The following BEND7 variants were observed in gnomAD, a reference collection of about 807,000 sequenced individuals.
The protein encoded by BEND7 is BEN domain-containing protein 7.
BEND7 carries 28 observed loss-of-function variants against 50.9 expected under a neutral mutation model. That is an observed-to-expected ratio of 0.55 (90% CI 0.41 to 0.75). The LOEUF is 0.75. Ranked by LOEUF, BEND7 falls within the 30% of genes least tolerant of loss-of-function variation. BEND7 has a pLI of 0.00. For missense variants in BEND7, 477 were observed against 491.3 expected, an observed-to-expected ratio of 0.97 and a Z score of 0.28; for synonymous variants, 170 against 183.9, an observed-to-expected ratio of 0.92 and a Z score of 0.61.
intron 2 of BEND7, among the ~76,000 whole-genome samples, chr10:13,515,823 T>A (rs1027958709): frequency 1.3e-5 from 2 of 152,244 alleles, no homozygotes; most frequent in East Asian, 3.8e-4. Flanking sequence ...GGATGACTGA[T>A]CCCACAACCC....
intron 4 of BEND7, among the ~76,000 whole-genome samples, chr10:13,494,475 G>A (rs756813623): frequency 3.3e-5 from 5 of 152,166 alleles, no homozygotes; most frequent in Non-Finnish European, 7.4e-5. Context: ...CACCCCAGAC[G>A]AAGTGAACTG....
At chr10:13,443,988 G>C (rs1350191905) in intron 8 of BEND7, 1 of 151,970 alleles carries the variant, frequency 6.6e-6, no homozygotes, top group African/African-American at 2.4e-5. Flanking sequence ...GCTAAGTCTA[G>C]ATGAACATCC....
At chr10:13,472,038 C>T (rs773033923) in intron 6 of BEND7, among the ~76,000 whole-genome samples, 5 of 151,990 alleles carry the variant, frequency 3.3e-5, no homozygotes, top group African/African-American at 1.2e-4. Flanking sequence ...GGTCGATACC[C>T]GTCATCACTG....
chr10:13,522,807 C>T (rs1329137096), intron 2 of BEND7, among the ~76,000 whole-genome samples: 1 of 152,178 alleles, frequency 6.6e-6, no homozygotes, highest in Non-Finnish European at 1.5e-5. Flanking sequence ...TGCACTGGAA[C>T]CCTACCTGTG....
intron 6 of BEND7, among the ~76,000 whole-genome samples, chr10:13,474,551 GTT>G: frequency 7.3e-6 from 1 of 137,082 alleles, no homozygotes; most frequent in Admixed American, 7.1e-5. Flanking sequence ...TTGGACTCGG[GTT>G]GATACCCGTC....
At chr10:13,525,339 C>T (rs1459002188) in intron 2 of BEND7, among the ~76,000 whole-genome samples, 1 of 152,196 alleles carries the variant, frequency 6.6e-6, no homozygotes, top group Non-Finnish European at 1.5e-5. Context: ...TTTGCACCAA[C>T]ACTGCACATG....
At chr10:13,517,032 A>T (rs1296213678) in intron 2 of BEND7, among the ~76,000 whole-genome samples, 2 of 150,868 alleles carry the variant, frequency 1.3e-5, no homozygotes, top group Non-Finnish European at 2.9e-5. Flanking sequence ...AAATTAAGCA[A>T]GCATTTGTTG....
At chr10:13,468,059 C>T (rs1313201572) in intron 6 of BEND7, among the ~76,000 whole-genome samples, 4 of 152,168 alleles carry the variant, frequency 2.6e-5, no homozygotes, top group East Asian at 1.9e-4. Context: ...AAGTATAAAG[C>T]GCCTGTTTTC....
At chr10:13,500,840 G>A in intron 2 of BEND7, 1 of 985,384 alleles carries the variant, frequency 1.0e-6, no homozygotes, top group Non-Finnish European at 1.2e-6. Flanking sequence ...AGCACTGGAA[G>A]GGCGGAAGTG....
intron 2 of BEND7, among the ~76,000 whole-genome samples, chr10:13,516,942 G>A (rs889810299): frequency 5.3e-5 from 8 of 152,092 alleles, no homozygotes; most frequent in African/African-American, 1.9e-4. Context: ...AGTGTCCATT[G>A]AAGATTTTTG....
chr10:13,447,431 TC>T (rs1836615363), intron 7 of BEND7, 115 bp from the exon 8 acceptor site: 1 of 1,007,088 alleles, frequency 9.9e-7, no homozygotes, highest in South Asian at 1.6e-5. Context: ...TTTTCACCAT[TC>T]TTTTCTGTTT....
intron 6 of BEND7, among the ~76,000 whole-genome samples, chr10:13,457,818 G>T (rs1040749963): frequency 6.6e-6 from 1 of 152,232 alleles, no homozygotes; most frequent in African/African-American, 2.4e-5. Context: ...GATGTGAAAA[G>T]AGGTATTGCA....
intron 6 of BEND7, among the ~76,000 whole-genome samples, chr10:13,465,477 T>C (rs1232134021): frequency 6.6e-6 from 1 of 152,168 alleles, no homozygotes; most frequent in East Asian, 1.9e-4. Flanking sequence ...GTGAGGACCA[T>C]CTCATCTTCG....
chr10:13,447,109 C>T (rs1383739126), intron 8 of BEND7, 157 bp downstream of exon 8: 6 of 722,120 alleles, frequency 8.3e-6, no homozygotes, highest in East Asian at 2.7e-5. Context: ...TCTCTGAGTA[C>T]GGGGCCTTGA....
At chr10:13,475,558 T>A (rs1427398239) in intron 6 of BEND7, among the ~76,000 whole-genome samples, 1 of 152,244 alleles carries the variant, frequency 6.6e-6, no homozygotes, top group African/African-American at 2.4e-5. Context: ...ATTCTCACTA[T>A]CTTCAAGAAA....
intron 6 of BEND7, chr10:13,459,504 C>T (rs1839774757): frequency 6.6e-6 from 1 of 152,164 alleles, no homozygotes; most frequent in African/African-American, 2.4e-5. Context: ...AATAACCATA[C>T]CTGTGGCATG....
chr10:13,504,013 A>G (rs181159868), intron 2 of BEND7, among the ~76,000 whole-genome samples: 1 of 152,314 alleles, frequency 6.6e-6, no homozygotes. Flanking sequence ...ACAGCAGGGA[A>G]TGATGAGTGA....
chr10:13,441,623 C>T lies in BEND7; in HGVS notation c.*120G>A, dbSNP rs182401896. 174 of 1,566,958 alleles carry T rather than the reference C, an allele frequency of 1.1e-4. No homozygotes were observed. The East Asian group carries it at 2.2e-3, about 19-fold the overall frequency. On this transcript the variant is annotated 3_prime_UTR_variant, in exon 9 of 9. Transcript: ENST00000466271. ...ACATACTCATCCTATTTTAACACGGCGAAAGGTCACCAATTAATCTTCTCC... is the reference window on the plus strand; with the variant it reads ...ACATACTCATCCTATTTTAACACGGTGAAAGGTCACCAATTAATCTTCTCC...
chr10:13,447,355 C>G (rs1836593185), intron 7 of BEND7, 39 bp from the exon 8 acceptor site: 1 of 1,603,900 alleles, frequency 6.2e-7, no homozygotes, highest in African/African-American at 1.3e-5. Flanking sequence ...CTCATTAGTT[C>G]CAGGGAGCAC....
Sources: allele counts gnomAD v4.1 joint callset (sites outside exome capture counted in the v4.1 genomes callset), GRCh38; gene constraint gnomAD v4.1.1; transcripts MANE v1.5; gene names NCBI Gene and HGNC (gene_info 2026-07-23, HGNC 2026-07-21).